The following AADACL4 variants were observed in gnomAD, a reference collection of about 807,000 sequenced individuals.
AADACL4 encodes arylacetamide deacetylase-like 4.
A neutral mutation model predicts 14.1 loss-of-function variants in AADACL4; 9 were observed. That is an observed-to-expected ratio of 0.64 (90% CI 0.39 to 1.12). AADACL4 has a LOEUF of 1.12. AADACL4 is among the 50% of genes most tolerant of loss of function. The probability of loss-of-function intolerance (pLI) is 0.01; values close to 1 mark genes in which losing one functional copy is unlikely to be tolerated. For missense variants in AADACL4, 531 were observed against 516.1 expected (o/e 1.03, Z -0.28); for synonymous variants, 188 against 201.6 (o/e 0.93, Z 0.57).
chr1:12,658,126 TCC>T (rs1491517907), intron 2 of AADACL4, among the ~76,000 whole-genome samples: 44 of 133,474 alleles, frequency 3.3e-4, no homozygotes, highest in African/African-American at 6.8e-4. Flanking sequence ...CTTCCTTCCT[TCC>T]TTCCTTCCTT....
In AADACL4 at chr1:12,661,742, G is replaced by A. The variant is rs768413361; in HGVS notation, c.386-49G>A. ...TCTTCCTGGGGGCTGTGGTGAGATG[G>A]TTTGGGTCCTACTCATGCGCTGCTG... On this transcript the variant is annotated intron_variant, in intron 2 of 3. Transcript: ENST00000376221. The A allele has an allele frequency of 1.9e-6, 3 of 1,580,512 alleles. No homozygotes were observed. In the African/African-American group the frequency reaches 4.0e-5, roughly 21 times the overall value.
chr1:12,664,376 C>CT (rs371707579), intron 3 of AADACL4, among the ~76,000 whole-genome samples: 2,238 of 146,868 alleles, frequency 0.015, 49 homozygotes, highest in African/African-American at 0.047. Flanking sequence ...TGTTTTCTTT[C>CT]TTTTTTTTTT....
rs1171838982 is a variant in AADACL4, at chr1:12,666,817, T to C, written c.*82T>C. 2 of 1,380,324 alleles carry C rather than the reference T, an allele frequency of 1.4e-6. No homozygotes were observed. Among genetic ancestry groups the C allele is most frequent in the Non-Finnish European group, 9.8e-7 (1 of 1,022,772 alleles). The allele number at this position is 1,380,324 out of a possible 1,614,324, so 85.5% of individuals were successfully genotyped here. On this transcript the variant is annotated 3_prime_UTR_variant, in exon 4 of 4. Coordinates refer to ENST00000376221, the MANE Select transcript of AADACL4 (RefSeq NM_001013630.2). ...GGTGCTTTAGTGAGTTCTATTTTAT[T>C]GACTAAAGAGGTGCTACATCAATGC...
chr1:12,653,571 C>A (rs952547203), intron 2 of AADACL4, among the ~76,000 whole-genome samples: 2 of 152,158 alleles, frequency 1.3e-5, no homozygotes, highest in African/African-American at 2.4e-5. Flanking sequence ...CCGCACAAAC[C>A]CTTCTGAGTG....
intron 1 of AADACL4, among the ~76,000 whole-genome samples, 159 bp downstream of exon 1, chr1:12,644,873 T>G (rs1442501987): frequency 2.6e-5 from 4 of 152,070 alleles, no homozygotes; most frequent in Non-Finnish European, 4.4e-5. Flanking sequence ...TGTTTGCCTC[T>G]CTCTTCCCTC....
At chr1:12,644,739 G>A (rs763761419) in intron 1 of AADACL4, 25 bp downstream of exon 1, 19 of 1,608,906 alleles carry the variant, frequency 1.2e-5, no homozygotes, top group Non-Finnish European at 1.6e-5. Flanking sequence ...AGGCCACGTC[G>A]TAACCTGGGG....
At chr1:12,646,353 G>T (rs1312277892) in intron 1 of AADACL4, among the ~76,000 whole-genome samples, 2 of 152,212 alleles carry the variant, frequency 1.3e-5, no homozygotes, top group African/African-American at 2.4e-5. Context: ...GAGATGTTTA[G>T]TGAATTCGTA....
In AADACL4 at chr1:12,666,032, T is replaced by C. The variant is rs1432484560; in HGVS notation, c.521T>C (p.Leu174Pro). The C allele has an allele frequency of 1.2e-6, 2 of 1,614,082 alleles. No individual in the cohort carries two copies. Among genetic ancestry groups the C allele is most frequent in the Non-Finnish European group, 1.7e-6 (2 of 1,180,038 alleles). The change falls in exon 4 of 4, where the codon CTG (leucine) becomes CCG (proline). Residue 174 changes from leucine to proline, a missense_variant. By Grantham distance (98) the Leu-to-Pro change is moderately conservative (BLOSUM62 -3). Transcript: ENST00000376221. ...QDCMNASIHF[L>P]KALETYGVDP... Reference sequence around the variant, plus strand: ...TGCATGAATGCCTCCATTCACTTCCTGAAGGCCCTGGAAACCTATGGGGTG... The same window carrying C: ...TGCATGAATGCCTCCATTCACTTCCCGAAGGCCCTGGAAACCTATGGGGTG...
intron 1 of AADACL4, among the ~76,000 whole-genome samples, chr1:12,648,749 C>G (rs1369517036): frequency 6.6e-6 from 1 of 152,102 alleles, no homozygotes; most frequent in African/African-American, 2.4e-5. Context: ...CATGTATAAT[C>G]TTAATAATCA....
intron 1 of AADACL4, among the ~76,000 whole-genome samples, chr1:12,650,169 T>C (rs531081722): frequency 6.6e-6 from 1 of 152,342 alleles, no homozygotes; most frequent in South Asian, 2.1e-4. Context: ...AAAGACACAC[T>C]CCAAATGTGA....
chr1:12,666,625 C>T lies in AADACL4; in HGVS notation c.1114C>T (p.Leu372=), dbSNP rs74057619. Residue 372 remains leucine (L), a synonymous_variant, in exon 4 of 4, where the codon CTG becomes TTG. Coordinates refer to ENST00000376221, the MANE Select transcript of AADACL4 (RefSeq NM_001013630.2). ...GGGGGTCCGCGTGACATGGTACCACCTGTATGATGGTTTTCACGGATCCAT... is the reference window on the plus strand; with the variant it reads ...GGGGGTCCGCGTGACATGGTACCACTTGTATGATGGTTTTCACGGATCCAT... The part of the protein sequence containing the change: ...DQGVRVTWYH[L]YDGFHGSIIF... 4.7e-3 allele frequency: 7,633 copies of T among 1,614,182 alleles called. 306 individuals are homozygous for T. In the African/African-American group the frequency reaches 0.089, roughly 19 times the overall value.
intron 1 of AADACL4, among the ~76,000 whole-genome samples, chr1:12,649,316 AG>A (rs1284065079): frequency 2.0e-5 from 3 of 152,194 alleles, no homozygotes; most frequent in African/African-American, 7.2e-5. Context: ...CAGGAAACAA[AG>A]GGAGGCATGG....
At chr1:12,645,734 G>C (rs1179274454) in intron 1 of AADACL4, among the ~76,000 whole-genome samples, 1 of 152,108 alleles carries the variant, frequency 6.6e-6, no homozygotes, top group African/African-American at 2.4e-5. Flanking sequence ...GGTAGAGACA[G>C]GGTTTCGCTA....
Position 12,666,200 on chromosome 1 carries a change from T to C in AADACL4, c.689T>C (p.Leu230Ser), listed in dbSNP as rs146025446. The change falls in exon 4 of 4, where the codon TTG becomes TCG. Residue 230 changes from leucine to serine, a missense_variant. Physicochemically the swap from Leu to Ser is moderately radical, Grantham distance 145. Transcript: ENST00000376221. ...TATCCAGTTGTCCAGGCATTCTGTT[T>C]GCAGTTGCCATCCTTTCAGCAGAAC... ...LIYPVVQAFC[L>S]QLPSFQQNQN... The C allele has an allele frequency of 4.3e-6, 7 of 1,614,142 alleles. No homozygotes were observed. In the African/African-American group the frequency reaches 9.3e-5, roughly 22 times the overall value.
At chr1:12,655,274 T>A (rs529623537) in intron 2 of AADACL4, among the ~76,000 whole-genome samples, 1 of 152,218 alleles carries the variant, frequency 6.6e-6, no homozygotes, top group African/African-American at 2.4e-5. Context: ...AGGGTGGCTG[T>A]TTAGGAGAGA....
chr1:12,663,815 A>G (rs1647269043), intron 3 of AADACL4, among the ~76,000 whole-genome samples: 1 of 152,180 alleles, frequency 6.6e-6, no homozygotes, highest in South Asian at 2.1e-4. Flanking sequence ...ACCTCCCTGC[A>G]AGGACCCTCT....
chr1:12,658,639 T>A (rs1647202821), intron 2 of AADACL4, among the ~76,000 whole-genome samples: 6 of 152,096 alleles, frequency 3.9e-5, no homozygotes, highest in Admixed American at 3.9e-4. Flanking sequence ...GAACTCTCCT[T>A]GCTGACTGCT....
At chr1:12,659,376 A>G (rs1040942628) in intron 2 of AADACL4, among the ~76,000 whole-genome samples, 2 of 152,296 alleles carry the variant, frequency 1.3e-5, no homozygotes, top group African/African-American at 4.8e-5. Flanking sequence ...CTCAGGCTCA[A>G]TGGATGAGGA....
chr1:12,657,273 A>C (rs1647183103), intron 2 of AADACL4, among the ~76,000 whole-genome samples: 1 of 152,134 alleles, frequency 6.6e-6, no homozygotes, highest in Non-Finnish European at 1.5e-5. Flanking sequence ...AAACAGCAGC[A>C]GGGAGGCAGG....
Sources: gnomAD v4.1 joint callset for allele counts (sites outside exome capture counted in the v4.1 genomes callset) on GRCh38, gnomAD v4.1.1 for gene constraint, MANE v1.5 for transcripts, NCBI Gene and HGNC (gene_info 2026-07-23, HGNC 2026-07-21) for gene names.